Variants in PZP observed in about 807,000 individuals in gnomAD.
PZP encodes the protein pregnancy zone protein.
PZP carries 150 observed loss-of-function variants against 179.8 expected under a neutral mutation model. The ratio of observed to expected loss-of-function variants is 0.83; its 90% CI spans 0.73 to 0.96. The LOEUF is 0.96. Ranked by LOEUF, PZP falls within the 40% of genes least tolerant of loss-of-function variation. The pLI is 0.00. For missense variants in PZP, 1,689 were observed against 1,764.0 expected, an observed-to-expected ratio of 0.96 and a Z score of 0.76; for synonymous variants, 624 against 652.3, an observed-to-expected ratio of 0.96 and a Z score of 0.66.
chr12:9,171,437 C>T (rs1941994469), intron 15 of PZP, among the ~76,000 whole-genome samples: 1 of 152,138 alleles, frequency 6.6e-6, no homozygotes. Context: ...ACTCAAAATG[C>T]CAGAGTGTCT....
At chr12:9,152,198 A>G (rs1347263860) in intron 32 of PZP, 22 bp downstream of exon 32, 3 of 1,500,118 alleles carry the variant, frequency 2.0e-6, no homozygotes, top group African/African-American at 1.4e-5. Context: ...TATGAAGTCT[A>G]TTAGGATTAA....
At chr12:9,207,819 C>T (rs966867991) in intron 1 of PZP, among the ~76,000 whole-genome samples, 5 of 152,184 alleles carry the variant, frequency 3.3e-5, no homozygotes, top group African/African-American at 1.2e-4. Flanking sequence ...AAATTATTTT[C>T]CCTGCTTTGG....
intron 28 of PZP, 119 bp from the exon 29 acceptor site, chr12:9,154,958 T>C (rs1940638937): frequency 2.9e-6 from 3 of 1,038,544 alleles, no homozygotes; most frequent in Middle Eastern, 3.2e-4. Flanking sequence ...AAGCAAGGTC[T>C]TCTATGTCAT....
At chr12:9,159,389 C>T (rs1413265014) in intron 25 of PZP, among the ~76,000 whole-genome samples, 1 of 152,114 alleles carries the variant, frequency 6.6e-6, no homozygotes, top group African/African-American at 2.4e-5. Context: ...CCCAGGGTAG[C>T]TATAAGAATT....
chr12:9,149,530 C>T (rs1940192652), intron 35 of PZP, 31 bp downstream of exon 35: 2 of 1,599,752 alleles, frequency 1.3e-6, no homozygotes, highest in African/African-American at 2.7e-5. Context: ...TTAATGCCAT[C>T]TAGTACTGGT....
chr12:9,207,177 A>G (rs887194442), intron 1 of PZP, among the ~76,000 whole-genome samples: 3 of 152,230 alleles, frequency 2.0e-5, no homozygotes, highest in Non-Finnish European at 2.9e-5. Flanking sequence ...CACACAGAGC[A>G]GAGGGACCCC....
chr12:9,184,837 A>C (rs972771402), intron 13 of PZP, among the ~76,000 whole-genome samples: 1 of 152,166 alleles, frequency 6.6e-6, no homozygotes, highest in Non-Finnish European at 1.5e-5. Flanking sequence ...ACTGCCCCCA[A>C]ATCTTCTGGT....
chr12:9,159,958 GC>G lies in PZP; in HGVS notation c.3116del (p.Gly1039AlafsTer14), dbSNP rs752493814. 1 of 1,613,294 alleles carries G rather than the reference GC, an allele frequency of 6.2e-7. No individual in the cohort carries two copies. Among genetic ancestry groups the G allele is most frequent in the Non-Finnish European group, 8.5e-7 (1 of 1,179,336 alleles). Reference sequence around the variant, plus strand: ...CTTACCAAGTGTTGCCCTGGTTCCTGCCATATCGTTCCCCAAAGGTGCTGTA... The same window carrying G: ...CTTACCAAGTGTTGCCCTGGTTCCTGCATATCGTTCCCCAAAGGTGCTGTA... ...GSYSTFGERY[G>X]RNQGNTWLTA... is the part of the protein sequence containing the mutation. On this transcript the variant is annotated frameshift_variant, in exon 25 of 36. Coordinates refer to ENST00000261336, the MANE Select transcript of PZP (RefSeq NM_002864.3). LOFTEE classifies it high-confidence loss of function.
At chr12:9,186,234 C>CA (rs1183514086) in intron 13 of PZP, among the ~76,000 whole-genome samples, 1 of 152,116 alleles carries the variant, frequency 6.6e-6, no homozygotes, top group African/African-American at 2.4e-5. Context: ...CCACCAGATC[C>CA]AACTTGCAAG....
At chr12:9,148,600 C>T (rs1940132246), downstream of PZP, among the ~76,000 whole-genome samples, 1 of 152,078 alleles carries the variant, frequency 6.6e-6, no homozygotes, top group Non-Finnish European at 1.5e-5. Flanking sequence ...AATCTTCTGA[C>T]CCTTCCAGTC....
chr12:9,169,026 A>G (rs1366845533), intron 16 of PZP, 52 bp from the exon 17 acceptor site: 2 of 1,331,384 alleles, frequency 1.5e-6, no homozygotes, highest in South Asian at 2.4e-5. Context: ...AGAATATATA[A>G]AACATATTAT....
Position 9,170,850 on chromosome 12 carries a change from C to T in PZP, c.1840-1259G>A, listed in dbSNP as rs1344674178. On this transcript the variant is annotated intron_variant, in intron 15 of 35. Coordinates refer to ENST00000261336, the MANE Select transcript of PZP (RefSeq NM_002864.3). This position sits in a 1 kb window ranked among gnomAD's most constrained non-coding sequence, Gnocchi z 4.6. ...CTAAAGACAGAGCTTTGATCTCTCCCTGGGACCGAGCTCCTGGGGGGCAGG... is the reference window on the plus strand; with the variant it reads ...CTAAAGACAGAGCTTTGATCTCTCCTTGGGACCGAGCTCCTGGGGGGCAGG... Among the ~76,000 whole-genome samples the T allele has an allele frequency of 3.3e-5, 5 of 152,140 alleles. No homozygotes were observed. The highest frequency in any genetic ancestry group is 2.0e-4 in the Admixed American group (3 of 15,282).
chr12:9,174,522 A>G (rs1942229376), intron 15 of PZP, among the ~76,000 whole-genome samples: 1 of 152,174 alleles, frequency 6.6e-6, no homozygotes, highest in South Asian at 2.1e-4. Flanking sequence ...GGAAGAGAGA[A>G]AGTCAAATTA....
chr12:9,158,321 C>T, intron 26 of PZP, 99 bp downstream of exon 26: 1 of 1,488,468 alleles, frequency 6.7e-7, no homozygotes, highest in Non-Finnish European at 9.2e-7. Flanking sequence ...TCATCCAGGA[C>T]TTCATCTTTG....
chr12:9,153,379 A>G (rs1256180626), intron 29 of PZP, 36 bp from the exon 30 acceptor site: 1 of 1,562,404 alleles, frequency 6.4e-7, no homozygotes, highest in East Asian at 2.2e-5. Flanking sequence ...CCCAAAGAGT[A>G]AATTTTTGGC....
chr12:9,199,412 A>T (rs1033149002), intron 7 of PZP, among the ~76,000 whole-genome samples: 1 of 152,158 alleles, frequency 6.6e-6, no homozygotes, highest in Non-Finnish European at 1.5e-5. Context: ...CCTGGAGTGG[A>T]AATTTCTGGG....
intron 23 of PZP, 64 bp from the exon 24 acceptor site, chr12:9,160,554 C>T (rs1941105045): frequency 1.4e-6 from 2 of 1,447,882 alleles, no homozygotes; most frequent in Non-Finnish European, 1.9e-6. Flanking sequence ...ACATTATTAA[C>T]AAAAATGGCC....
rs184300042 is a variant in PZP, at chr12:9,199,725, T to C, written c.755+639A>G. On this transcript the variant is annotated intron_variant, in intron 7 of 35. Transcript: ENST00000261336. ...ATTCCTATGGCTTGCTTTAAAATAT[T>C]AGAGCAAAAAAACTACTGTAGAGGA... is the stretch of plus-strand genomic sequence containing the variant. Among the ~76,000 whole-genome samples the C allele has an allele frequency of 2.1e-3, 321 of 152,236 alleles. 2 individuals carry two copies. Among genetic ancestry groups the C allele is most frequent in the African/African-American group, 7.3e-3 (304 of 41,528 alleles).
chr12:9,143,708 G>T, the PZP span, among the ~76,000 whole-genome samples: 1 of 152,128 alleles, frequency 6.6e-6, no homozygotes, highest in African/African-American at 2.4e-5. Flanking sequence ...GCCATTAGCT[G>T]TCATTATCTA....
Sources: gnomAD v4.1 joint callset for allele counts (sites outside exome capture counted in the v4.1 genomes callset) on GRCh38, gnomAD v4.1.1 for gene constraint, Gnocchi (gnomAD v3.1) non-coding constraint, MANE v1.5 for transcripts, NCBI Gene and HGNC (gene_info 2026-07-23, HGNC 2026-07-21) for gene names.